Variants in NELL2 observed in about 807,000 individuals in gnomAD.
The protein encoded by NELL2 is neural EGFL like 2.
A neutral mutation model predicts 109.6 loss-of-function variants in NELL2; 41 were observed. That is an observed-to-expected ratio of 0.37 (90% CI 0.29 to 0.49). The LOEUF (loss-of-function observed/expected upper bound fraction) is 0.49. Among genes scored for constraint, NELL2 ranks in the 20% least tolerant of loss-of-function variants. The probability of loss-of-function intolerance (pLI) is 0.98; values close to 1 mark genes in which losing one functional copy is unlikely to be tolerated. For synonymous variants in NELL2, 355 were observed against 344.7 expected, an observed-to-expected ratio of 1.03 and a Z score of -0.33; for missense variants, 900 against 1,008.3, an observed-to-expected ratio of 0.89 and a Z score of 1.45.
intron 13 of NELL2, among the ~76,000 whole-genome samples, chr12:44,648,733 T>A (rs1167963): frequency 0.084 from 1,821 of 21,584 alleles, 11 homozygotes; most frequent in African/African-American, 0.16. Context: ...ATATATATAT[T>A]TTTTTTTTTT....
intron 13 of NELL2, among the ~76,000 whole-genome samples, chr12:44,614,070 T>C (rs576262114): frequency 3.8e-4 from 58 of 152,214 alleles, no homozygotes; most frequent in African/African-American, 1.3e-3. Flanking sequence ...AAGGTTTATG[T>C]CTCATATATT....
At chr12:44,516,396 G>C (rs1192366817) in intron 19 of NELL2, among the ~76,000 whole-genome samples, 1 of 152,108 alleles carries the variant, frequency 6.6e-6, no homozygotes, top group Non-Finnish European at 1.5e-5. Context: ...TGGGGGTGCG[G>C]ATAGTATGTG....
At chr12:44,911,541 CA>C (rs1945780057) in intron 1 of NELL2, among the ~76,000 whole-genome samples, 2 of 151,238 alleles carry the variant, frequency 1.3e-5, no homozygotes, top group Admixed American at 6.6e-5. Flanking sequence ...TTGTCTTCCT[CA>C]AAAAAATAAA....
At chr12:44,803,093 C>A (rs1169488049) in intron 3 of NELL2, among the ~76,000 whole-genome samples, 1 of 151,974 alleles carries the variant, frequency 6.6e-6, no homozygotes, top group African/African-American at 2.4e-5. Context: ...GAATCATAAT[C>A]ATTTCTGTGG....
At chr12:44,825,143 G>T (rs1465162812) in intron 2 of NELL2, among the ~76,000 whole-genome samples, 2 of 152,024 alleles carry the variant, frequency 1.3e-5, no homozygotes, top group African/African-American at 4.8e-5. Flanking sequence ...ATTTCTGTGG[G>T]AATATGTCAT....
intron 3 of NELL2, among the ~76,000 whole-genome samples, chr12:44,794,231 G>A (rs1942537030): frequency 6.6e-6 from 1 of 152,162 alleles, no homozygotes; most frequent in African/African-American, 2.4e-5. Context: ...TGCCTCATTG[G>A]ATTTTTGTGA....
chr12:44,509,491 G>C (rs1257567796), intron 19 of NELL2, among the ~76,000 whole-genome samples: 1 of 152,164 alleles, frequency 6.6e-6, no homozygotes, highest in Non-Finnish European at 1.5e-5. Context: ...TAAAGCCTTT[G>C]AGAGGTAATT....
intron 13 of NELL2, among the ~76,000 whole-genome samples, chr12:44,645,388 A>G (rs1437539117): frequency 6.6e-6 from 1 of 152,198 alleles, no homozygotes; most frequent in Non-Finnish European, 1.5e-5. Context: ...GACTTCTATA[A>G]TGGAAGGGAG....
chr12:44,668,176 C>A (rs1384373483), intron 12 of NELL2, among the ~76,000 whole-genome samples: 1 of 152,152 alleles, frequency 6.6e-6, no homozygotes, highest in Non-Finnish European at 1.5e-5. Context: ...GTCCCCAGCA[C>A]TCTAGTCCAC....
At chr12:44,864,978 T>A (rs939439102) in intron 2 of NELL2, among the ~76,000 whole-genome samples, 2 of 143,150 alleles carry the variant, frequency 1.4e-5, no homozygotes, top group Non-Finnish European at 3.0e-5. Flanking sequence ...TAGTTTACAG[T>A]CCCACCAACA....
chr12:44,871,882 T>C (rs1381107505), intron 2 of NELL2, among the ~76,000 whole-genome samples: 1 of 152,230 alleles, frequency 6.6e-6, no homozygotes, highest in African/African-American at 2.4e-5. Flanking sequence ...TCCACTTCTC[T>C]TCTATGGATT....
chr12:44,590,399 A>C (rs1373700822), intron 15 of NELL2, among the ~76,000 whole-genome samples: 1 of 152,190 alleles, frequency 6.6e-6, no homozygotes, highest in Non-Finnish European at 1.5e-5. Context: ...ATAGTTTTCA[A>C]AATGCAGCCC....
At chr12:44,517,056 T>A (rs893391834) in intron 19 of NELL2, among the ~76,000 whole-genome samples, 1 of 151,642 alleles carries the variant, frequency 6.6e-6, no homozygotes, top group African/African-American at 2.4e-5. Context: ...TATTTTAATA[T>A]TTAACACTTT....
At chr12:44,624,502 C>T (rs1287454727) in intron 13 of NELL2, among the ~76,000 whole-genome samples, 1 of 152,004 alleles carries the variant, frequency 6.6e-6, no homozygotes, top group Non-Finnish European at 1.5e-5. Context: ...TTCCCCCAAC[C>T]TCTTTTCTCT....
chr12:44,792,125 T>C (rs909578293), intron 3 of NELL2, among the ~76,000 whole-genome samples: 3 of 152,248 alleles, frequency 2.0e-5, no homozygotes, highest in African/African-American at 7.2e-5. Flanking sequence ...ATTGACAGGT[T>C]AAGTAAGATG....
chr12:44,675,083 G>T (rs758436656), intron 12 of NELL2, among the ~76,000 whole-genome samples: 3 of 152,164 alleles, frequency 2.0e-5, no homozygotes, highest in Non-Finnish European at 2.9e-5. Flanking sequence ...ACGTGGCAGA[G>T]TGAATTCATT....
At chr12:44,735,496 C>T (rs1263782684) in intron 9 of NELL2, among the ~76,000 whole-genome samples, 1 of 152,174 alleles carries the variant, frequency 6.6e-6, no homozygotes, top group African/African-American at 2.4e-5. Flanking sequence ...TCCTAACTTG[C>T]CCTTATCATG....
chr12:44,516,756 G>A (rs1483358080), intron 19 of NELL2, among the ~76,000 whole-genome samples: 2 of 152,146 alleles, frequency 1.3e-5, no homozygotes, highest in African/African-American at 4.8e-5. Flanking sequence ...GAACGCCTAG[G>A]CTCAAGTGGG....
intron 9 of NELL2, among the ~76,000 whole-genome samples, chr12:44,756,733 T>C (rs1168393167): frequency 6.6e-6 from 1 of 152,200 alleles, no homozygotes; most frequent in Non-Finnish European, 1.5e-5. Flanking sequence ...CTGTGTAATT[T>C]TCTGGCAACT....
Sources: gnomAD v4.1 joint callset for allele counts (sites outside exome capture counted in the v4.1 genomes callset) on GRCh38, gnomAD v4.1.1 for gene constraint, MANE v1.5 for transcripts, NCBI Gene and HGNC (gene_info 2026-07-23, HGNC 2026-07-21) for gene names.